Variants in S100A13 observed in about 807,000 individuals in gnomAD.
The protein encoded by S100A13 is protein S100-A13.
Under a neutral mutation model 8.2 loss-of-function variants are expected in S100A13, and 6 were observed. The observed-to-expected ratio is 0.73, with a 90% CI of 0.40 to 1.44. The LOEUF is 1.44. S100A13 is among the 40% of genes most tolerant of loss of function. The pLI is 0.02. For missense variants in S100A13, 114 were observed against 113.6 expected (o/e 1.00, Z -0.02); for synonymous variants, 39 against 45.9 (o/e 0.85, Z 0.61).
chr1:153,631,198 G>A (rs1667992426), upstream of S100A13: 2 of 445,110 alleles, frequency 4.5e-6, no homozygotes, highest in Non-Finnish European at 8.0e-6. Context: ...AGAAAACTAG[G>A]CTGCTAAGGC....
chr1:153,620,883 T>C (rs1033870032), intron 2 of S100A13, among the ~76,000 whole-genome samples: 5 of 151,986 alleles, frequency 3.3e-5, no homozygotes, highest in Non-Finnish European at 5.9e-5. Flanking sequence ...CAGGGCAACA[T>C]TGTGAGACAC....
chr1:153,623,553 T>G (rs1019407752), intron 2 of S100A13, among the ~76,000 whole-genome samples: 1 of 152,124 alleles, frequency 6.6e-6, no homozygotes, highest in Non-Finnish European at 1.5e-5. Context: ...GCCCAGCTAA[T>G]TTTTTAAATA....
chr1:153,633,390 C>T (rs1288281145), upstream of S100A13, among the ~76,000 whole-genome samples: 4 of 152,212 alleles, frequency 2.6e-5, no homozygotes, highest in Admixed American at 6.5e-5. Flanking sequence ...AGAGAAATCC[C>T]TATGTAGGTC....
intron 2 of S100A13, among the ~76,000 whole-genome samples, chr1:153,624,943 C>T (rs977577601): frequency 2.6e-5 from 4 of 152,170 alleles, no homozygotes; most frequent in Non-Finnish European, 5.9e-5. Flanking sequence ...GGCATGGTGG[C>T]GGTTGCCTGT....
chr1:153,631,840 G>C (rs1176732213), upstream of S100A13: 1 of 1,613,644 alleles, frequency 6.2e-7, no homozygotes, highest in East Asian at 2.2e-5. Flanking sequence ...GAGAACAGTT[G>C]AGCAGACAGC....
upstream of S100A13, among the ~76,000 whole-genome samples, chr1:153,633,479 CAAG>C (rs35848200): frequency 0.57 from 86,160 of 151,676 alleles, 24,806 homozygotes; most frequent in East Asian, 0.7. Flanking sequence ...TGCCCCACCC[CAAG>C]AAGGAGTAAA....
chr1:153,632,538 TGA>T (rs1668083108), upstream of S100A13, among the ~76,000 whole-genome samples: 1 of 152,150 alleles, frequency 6.6e-6, no homozygotes, highest in Admixed American at 6.5e-5. Context: ...CCCAAAGTGC[TGA>T]GATTACAGGC....
upstream of S100A13, chr1:153,629,282 T>C (rs1459562436): frequency 6.6e-6 from 1 of 152,192 alleles, no homozygotes; most frequent in Non-Finnish European, 1.5e-5. Context: ...AAGCACCCCT[T>C]ATCCCCTCAT....
chr1:153,621,976 A>G (rs1020345820), intron 2 of S100A13, among the ~76,000 whole-genome samples: 8 of 152,258 alleles, frequency 5.3e-5, no homozygotes, highest in Non-Finnish European at 8.8e-5. Context: ...TAAAAGCTCA[A>G]TAACACCCAG....
chr1:153,630,388 G>C (rs1667934628), upstream of S100A13: 5 of 1,230,534 alleles, frequency 4.1e-6, no homozygotes, highest in East Asian at 1.3e-4. Flanking sequence ...AATTGCAGTA[G>C]GGCTCTAATC....
In S100A13 at chr1:153,625,558, G is replaced by T. The variant is rs146314931; in HGVS notation, c.153+762C>A. On this transcript the variant is annotated intron_variant, in intron 2 of 2. Transcript: ENST00000476133. ...CCTACACTGAGGTCTATGACTCCAT[G>T]AATTTGGCTGTGTTTTCATTTTTGA... Among the ~76,000 whole-genome samples the T allele has an allele frequency of 6.6e-5, 10 of 152,346 alleles. No individual in the cohort carries two copies. In the East Asian group the frequency reaches 1.9e-3, roughly 29 times the overall value.
upstream of S100A13, chr1:153,631,656 C>A (rs1297803305): frequency 6.2e-7 from 1 of 1,613,836 alleles, no homozygotes; most frequent in South Asian, 1.1e-5. Flanking sequence ...CAGTGCTGTA[C>A]CCTTCCCTAT....
intron 2 of S100A13, among the ~76,000 whole-genome samples, chr1:153,624,564 C>T (rs1427370817): frequency 1.4e-5 from 2 of 145,598 alleles, no homozygotes; most frequent in African/African-American, 5.1e-5. Flanking sequence ...AAAAAAAAAA[C>T]CACAATCACT....
chr1:153,622,946 C>T (rs1391236118), intron 2 of S100A13, among the ~76,000 whole-genome samples: 1 of 152,130 alleles, frequency 6.6e-6, no homozygotes, highest in Non-Finnish European at 1.5e-5. Context: ...AAAAATTAGC[C>T]AGACATGGTG....
At chr1:153,623,761 T>C (rs1447880265) in intron 2 of S100A13, among the ~76,000 whole-genome samples, 1 of 152,198 alleles carries the variant, frequency 6.6e-6, no homozygotes, top group East Asian at 1.9e-4. Context: ...AACCGCCAGG[T>C]ATTGCCAAGG....
At chr1:153,628,447 A>T, upstream of S100A13, 3 of 1,550,672 alleles carry the variant, frequency 1.9e-6, no homozygotes, top group Non-Finnish European at 2.6e-6. Flanking sequence ...CACATTTGCA[A>T]CCTTGGCCAT....
chr1:153,622,918 G>C (rs1667361275), intron 2 of S100A13, among the ~76,000 whole-genome samples: 3 of 152,084 alleles, frequency 2.0e-5, no homozygotes, highest in Non-Finnish European at 4.4e-5. Context: ...CAGAGGCCCT[G>C]TCTCTACAAA....
upstream of S100A13, chr1:153,628,517 G>A (rs1667812549): frequency 5.8e-6 from 9 of 1,550,490 alleles, no homozygotes; most frequent in East Asian, 2.2e-4. Context: ...TGCCCCACTG[G>A]GCTAGTCCCT....
At chr1:153,622,304 G>A (rs932135894) in intron 2 of S100A13, among the ~76,000 whole-genome samples, 1 of 152,206 alleles carries the variant, frequency 6.6e-6, no homozygotes, top group Non-Finnish European at 1.5e-5. Context: ...CTGGGAGGCA[G>A]AGGTTGCAGT....
Sources: allele counts gnomAD v4.1 joint callset (sites outside exome capture counted in the v4.1 genomes callset), GRCh38; gene constraint gnomAD v4.1.1; transcripts MANE v1.5; gene names NCBI Gene and HGNC (gene_info 2026-07-23, HGNC 2026-07-21).